TAFA4: variants seen among roughly 807,000 people sequenced by gnomAD.
TAFA4 encodes chemokine-like protein TAFA-4.
A neutral mutation model predicts 21.1 loss-of-function variants in TAFA4; 20 were observed. The observed-to-expected ratio is 0.95, with a 90% CI of 0.67 to 1.38. The LOEUF (loss-of-function observed/expected upper bound fraction) is 1.38. TAFA4 is among the 40% of genes most tolerant of loss of function. TAFA4 has a pLI of 0.00. For synonymous variants in TAFA4, 71 were observed against 67.4 expected, an observed-to-expected ratio of 1.05 and a Z score of -0.26; for missense variants, 211 against 180.9, an observed-to-expected ratio of 1.17 and a Z score of -0.95.
At chr3:68,811,869 T>C (rs1296742837) in intron 3 of TAFA4, among the ~76,000 whole-genome samples, 2 of 152,024 alleles carry the variant, frequency 1.3e-5, no homozygotes, top group Non-Finnish European at 2.9e-5. Flanking sequence ...AGACACACAA[T>C]TGTCAGATTC....
chr3:68,805,915 C>G (rs146165064), intron 3 of TAFA4, among the ~76,000 whole-genome samples: 295 of 151,994 alleles, frequency 1.9e-3, no homozygotes, highest in African/African-American at 6.6e-3. Flanking sequence ...CGTAACAAAC[C>G]TGCACATTGT....
At chr3:68,849,770 G>T (rs541160323) in intron 3 of TAFA4, among the ~76,000 whole-genome samples, 1 of 152,224 alleles carries the variant, frequency 6.6e-6, no homozygotes, top group Non-Finnish European at 1.5e-5. Flanking sequence ...CAAAACCCCA[G>T]CCTTCATTCA....
chr3:68,810,894 C>A (rs370332371), intron 3 of TAFA4, among the ~76,000 whole-genome samples: 2 of 152,192 alleles, frequency 1.3e-5, no homozygotes, highest in East Asian at 3.9e-4. Flanking sequence ...TCCCTAATCC[C>A]CGAGTAGCCT....
intron 3 of TAFA4, among the ~76,000 whole-genome samples, chr3:68,781,420 C>G (rs1703151852): frequency 6.6e-6 from 1 of 151,632 alleles, no homozygotes; most frequent in South Asian, 2.1e-4. Context: ...ATATGTATTA[C>G]CAATATTAAT....
intron 3 of TAFA4, among the ~76,000 whole-genome samples, chr3:68,815,308 C>T (rs1203715467): frequency 2.0e-5 from 3 of 152,128 alleles, no homozygotes; most frequent in Non-Finnish European, 4.4e-5. Flanking sequence ...CCAAAATTGA[C>T]AAATGGGATC....
chr3:68,753,300 AAG>A (rs1440249351), intron 3 of TAFA4, among the ~76,000 whole-genome samples: 2 of 151,564 alleles, frequency 1.3e-5, no homozygotes, highest in East Asian at 1.9e-4. Flanking sequence ...TACATGATAA[AAG>A]AGAGTTTGCA....
intron 1 of TAFA4, among the ~76,000 whole-genome samples, chr3:68,902,532 A>T (rs1432485977): frequency 6.6e-6 from 1 of 152,030 alleles, no homozygotes; most frequent in Non-Finnish European, 1.5e-5. Context: ...CATGCCTGAA[A>T]AACTTTTGCA....
chr3:68,929,337 A>T (rs1434965712), intron 1 of TAFA4, among the ~76,000 whole-genome samples: 1 of 152,240 alleles, frequency 6.6e-6, no homozygotes, highest in Non-Finnish European at 1.5e-5. Flanking sequence ...ACCTTTGTGG[A>T]TATCTTTGTT....
At chr3:68,907,193 G>T (rs560029818) in intron 1 of TAFA4, among the ~76,000 whole-genome samples, 1 of 152,266 alleles carries the variant, frequency 6.6e-6, no homozygotes, top group Non-Finnish European at 1.5e-5. Context: ...AGGGAGAGAA[G>T]ATTTGGAGAA....
At chr3:68,759,229 C>T (rs943823353) in intron 3 of TAFA4, among the ~76,000 whole-genome samples, 2 of 152,198 alleles carry the variant, frequency 1.3e-5, no homozygotes, top group Non-Finnish European at 2.9e-5. Flanking sequence ...ATGAGGCCCA[C>T]CTACATTTGA....
In TAFA4 at chr3:68,739,298, T is replaced by C. The variant is rs1702302367; in HGVS notation, c.287-99A>G. On this transcript the variant is annotated intron_variant, in intron 4 of 5. Coordinates refer to ENST00000295569, the MANE Select transcript of TAFA4 (RefSeq NM_182522.5). Reference sequence around the variant, plus strand: ...CAGAGTAGTACACTGAGTTCAAAGATTGCTATTAAATTTACGGTTGGTAAA... The same window carrying C: ...CAGAGTAGTACACTGAGTTCAAAGACTGCTATTAAATTTACGGTTGGTAAA... The C allele has an allele frequency of 2.9e-6, 4 of 1,393,382 alleles. No homozygotes were observed. In the South Asian group the frequency reaches 4.1e-5, roughly 14 times the overall value. 86.3% of individuals were successfully genotyped at this position (1,393,382 alleles called of 1,614,324 possible).
intron 3 of TAFA4, among the ~76,000 whole-genome samples, chr3:68,834,226 G>C (rs542857093): frequency 2.6e-5 from 4 of 152,282 alleles, no homozygotes; most frequent in South Asian, 2.1e-4. Context: ...GTTCCATGTA[G>C]TAAAGAACCT....
At chr3:68,747,669 C>T (rs1702484646) in intron 4 of TAFA4, among the ~76,000 whole-genome samples, 2 of 152,168 alleles carry the variant, frequency 1.3e-5, no homozygotes, top group Non-Finnish European at 2.9e-5. Context: ...CAAATCCTGA[C>T]TGATTGTGAG....
intron 1 of TAFA4, among the ~76,000 whole-genome samples, chr3:68,924,550 A>G (rs2090090035): frequency 6.6e-6 from 1 of 152,208 alleles, no homozygotes; most frequent in Admixed American, 6.5e-5. Flanking sequence ...CTGTGGATGG[A>G]ATGGGCAATG....
At chr3:68,862,706 C>G (rs1487723959) in intron 3 of TAFA4, among the ~76,000 whole-genome samples, 1 of 152,032 alleles carries the variant, frequency 6.6e-6, no homozygotes, top group Non-Finnish European at 1.5e-5. Context: ...GGAGCAGAGT[C>G]AAGTCATTTA....
chr3:68,840,213 G>C (rs544555533), intron 3 of TAFA4, among the ~76,000 whole-genome samples: 1 of 152,256 alleles, frequency 6.6e-6, no homozygotes, highest in Non-Finnish European at 1.5e-5. Flanking sequence ...ATGATTGAAT[G>C]ACTGATTGAT....
chr3:68,817,821 T>C (rs1704022912), intron 3 of TAFA4, among the ~76,000 whole-genome samples: 1 of 152,124 alleles, frequency 6.6e-6, no homozygotes, highest in South Asian at 2.1e-4. Context: ...AACCATACTA[T>C]AAAGATATGT....
chr3:68,776,089 G>A (rs1335661598), intron 3 of TAFA4, among the ~76,000 whole-genome samples: 1 of 152,082 alleles, frequency 6.6e-6, no homozygotes, highest in Non-Finnish European at 1.5e-5. Context: ...CAGAGTAACA[G>A]AGGAATGGAG....
chr3:68,806,531 A>C (rs1703703031), intron 3 of TAFA4, among the ~76,000 whole-genome samples: 1 of 152,212 alleles, frequency 6.6e-6, no homozygotes, highest in Non-Finnish European at 1.5e-5. Flanking sequence ...AGAGTATATA[A>C]GATAGCAATG....
Sources: allele counts gnomAD v4.1 joint callset (sites outside exome capture counted in the v4.1 genomes callset), GRCh38; gene constraint gnomAD v4.1.1; transcripts MANE v1.5; gene names NCBI Gene and HGNC (gene_info 2026-07-23, HGNC 2026-07-21).